The following ST8SIA6 variants were observed in gnomAD, a reference collection of about 807,000 sequenced individuals.
ST8SIA6 encodes ST8 alpha-N-acetyl-neuraminide alpha-2,8-sialyltransferase 6, also known as alpha-2,8-sialyltransferase 8F.
A neutral mutation model predicts 33.6 loss-of-function variants in ST8SIA6; 39 were observed. That is an observed-to-expected ratio of 1.16 (90% CI 0.90 to 1.52). The LOEUF is 1.52. Among genes scored for constraint, ST8SIA6 ranks in the 40% most tolerant of loss-of-function variants. The pLI, the probability that ST8SIA6 is intolerant of heterozygous loss-of-function variation, is 0.00. For missense variants in ST8SIA6, 441 were observed against 443.8 expected, an observed-to-expected ratio of 0.99 and a Z score of 0.06; for synonymous variants, 172 against 167.2, an observed-to-expected ratio of 1.03 and a Z score of -0.22.
chr10:17,316,259 G>A lies in ST8SIA6; in HGVS notation c.*4619C>T, dbSNP rs1847772592. On this transcript the variant is annotated 3_prime_UTR_variant, in exon 8 of 8. Coordinates refer to ENST00000377602, the MANE Select transcript of ST8SIA6 (RefSeq NM_001004470.3). Reference sequence around the variant, plus strand: ...TGCATACGCTTTAAAGTAATTAAATGGCATTGTGCTAAAGCTTTTGTTTTC... The same window carrying A: ...TGCATACGCTTTAAAGTAATTAAATAGCATTGTGCTAAAGCTTTTGTTTTC... Among the ~76,000 whole-genome samples, 1 of 151,950 alleles carries A rather than the reference G, an allele frequency of 6.6e-6. No individual in the cohort carries two copies. Among genetic ancestry groups the A allele is most frequent in the Admixed American group, 6.6e-5 (1 of 15,240 alleles).
chr10:17,355,911 C>G (rs1588832011), intron 4 of ST8SIA6, among the ~76,000 whole-genome samples: 1 of 152,192 alleles, frequency 6.6e-6, no homozygotes, highest in African/African-American at 2.4e-5. Context: ...GGCCTCATCA[C>G]TCCCAAATTG....
chr10:17,370,672 A>G (rs1849704122), intron 3 of ST8SIA6, among the ~76,000 whole-genome samples: 1 of 152,082 alleles, frequency 6.6e-6, no homozygotes, highest in African/African-American at 2.4e-5. Flanking sequence ...TACAAACCCA[A>G]CTATACCTTG....
At chr10:17,384,977 T>A (rs1476287991) in intron 3 of ST8SIA6, among the ~76,000 whole-genome samples, 1 of 152,162 alleles carries the variant, frequency 6.6e-6, no homozygotes, top group Non-Finnish European at 1.5e-5. Context: ...AAAGATCAGA[T>A]GAAATCTGAA....
intron 2 of ST8SIA6, 48 bp downstream of exon 2, chr10:17,453,511 G>A: frequency 1.6e-6 from 2 of 1,255,304 alleles, no homozygotes; most frequent in Non-Finnish European, 2.0e-6. Context: ...CCCATGCCCG[G>A]CTCGCAGCTC....
intron 3 of ST8SIA6, among the ~76,000 whole-genome samples, chr10:17,361,762 C>CA (rs1350005992): frequency 6.8e-6 from 1 of 147,648 alleles, no homozygotes; most frequent in Non-Finnish European, 1.5e-5. Flanking sequence ...AAGATAGATG[C>CA]AAAAAATCCT....
chr10:17,370,914 C>T (rs1849712392), intron 3 of ST8SIA6, among the ~76,000 whole-genome samples: 1 of 152,136 alleles, frequency 6.6e-6, no homozygotes, highest in African/African-American at 2.4e-5. Flanking sequence ...CCCCTACCTA[C>T]TTTGTTGAAA....
intron 4 of ST8SIA6, among the ~76,000 whole-genome samples, chr10:17,339,244 T>G (rs1363062622): frequency 6.6e-6 from 1 of 152,180 alleles, no homozygotes; most frequent in Non-Finnish European, 1.5e-5. Flanking sequence ...TTCCATGAAG[T>G]GTTAACAACT....
At chr10:17,400,068 T>C (rs1405422033) in intron 2 of ST8SIA6, among the ~76,000 whole-genome samples, 1 of 152,140 alleles carries the variant, frequency 6.6e-6, no homozygotes, top group Non-Finnish European at 1.5e-5. Flanking sequence ...TTGAGGTGAA[T>C]TTGCCAGTAA....
intron 4 of ST8SIA6, among the ~76,000 whole-genome samples, chr10:17,354,097 T>C (rs775522169): frequency 3.3e-5 from 5 of 152,138 alleles, no homozygotes; most frequent in African/African-American, 1.2e-4. Flanking sequence ...AATCTAAGAC[T>C]AATTACTGGA....
intron 2 of ST8SIA6, chr10:17,410,603 C>T (rs1851418054): frequency 6.6e-6 from 1 of 152,058 alleles, no homozygotes; most frequent in Non-Finnish European, 1.5e-5. Context: ...TTAGTAGCCT[C>T]CTAATAAATT....
chr10:17,336,073 A>T (rs1378897424), intron 4 of ST8SIA6, among the ~76,000 whole-genome samples: 1 of 151,682 alleles, frequency 6.6e-6, no homozygotes, highest in Non-Finnish European at 1.5e-5. Context: ...CTCCTACCTC[A>T]GTCTCCCAAG....
intron 4 of ST8SIA6, among the ~76,000 whole-genome samples, chr10:17,349,265 G>A (rs968919689): frequency 2.0e-5 from 3 of 152,112 alleles, no homozygotes; most frequent in Non-Finnish European, 4.4e-5. Context: ...CAAAACTGGG[G>A]TTTATAATTG....
At chr10:17,323,013 T>G in intron 7 of ST8SIA6, 52 bp downstream of exon 7, 5 of 1,505,290 alleles carry the variant, frequency 3.3e-6, no homozygotes, top group Non-Finnish European at 4.6e-6. Flanking sequence ...GAGAAACATG[T>G]TGAACAATGA....
chr10:17,386,194 C>T (rs914088331), intron 3 of ST8SIA6, among the ~76,000 whole-genome samples: 1 of 122,672 alleles, frequency 8.2e-6, no homozygotes, highest in South Asian at 2.6e-4. Flanking sequence ...CACACACACA[C>T]ACACACATAC....
At chr10:17,418,853 C>T (rs1047714941) in intron 2 of ST8SIA6, among the ~76,000 whole-genome samples, 4 of 151,852 alleles carry the variant, frequency 2.6e-5, no homozygotes, top group Non-Finnish European at 4.4e-5. Flanking sequence ...ATTAGCCAAG[C>T]GTGGTGGCAG....
chr10:17,386,285 TTCGATCACAAGGTCAGGAGC>T (rs1375566240), intron 3 of ST8SIA6, among the ~76,000 whole-genome samples: 207 of 149,770 alleles, frequency 1.4e-3, no homozygotes, highest in African/African-American at 3.4e-3. Context: ...AGGTCAGGAG[TTCGATCACAAGGTCAGGAGC>T]TCGATCACAA....
At position 17,375,080 on chromosome 10, in the gene ST8SIA6, G is replaced by A. The variant is rs1849866584; in HGVS notation, c.290+15451C>T. Reference sequence around the variant, plus strand: ...GCCTCCGAAAGCAATGGAATTACAGGTGTGAGCCACCATGCCCAGCTCTGG... The same window carrying A: ...GCCTCCGAAAGCAATGGAATTACAGATGTGAGCCACCATGCCCAGCTCTGG... On this transcript the variant is annotated intron_variant, in intron 3 of 7. Coordinates refer to ENST00000377602, the MANE Select transcript of ST8SIA6 (RefSeq NM_001004470.3). 2.0e-5 allele frequency among the ~76,000 whole-genome samples: 3 copies of A among 152,090 alleles called. No homozygotes were observed. The South Asian group carries it at 6.2e-4, about 32-fold the overall frequency.
intron 2 of ST8SIA6, among the ~76,000 whole-genome samples, chr10:17,394,171 G>A (rs1850719798): frequency 6.6e-6 from 1 of 151,920 alleles, no homozygotes; most frequent in Non-Finnish European, 1.5e-5. Flanking sequence ...CTCAGAATAG[G>A]TTTAGTTGCG....
chr10:17,433,606 C>T (rs1040464247), intron 2 of ST8SIA6, among the ~76,000 whole-genome samples: 1 of 152,134 alleles, frequency 6.6e-6, no homozygotes, highest in Admixed American at 6.5e-5. Context: ...GGAAGGAGGG[C>T]CAGGGGCTGG....
Sources: gnomAD v4.1 joint callset for allele counts (sites outside exome capture counted in the v4.1 genomes callset) on GRCh38, gnomAD v4.1.1 for gene constraint, MANE v1.5 for transcripts, NCBI Gene and HGNC (gene_info 2026-07-23, HGNC 2026-07-21) for gene names.